Variants in CAPS2 observed in about 807,000 individuals in gnomAD.
CAPS2 encodes the protein calcyphosin-2.
A neutral mutation model predicts 86.5 loss-of-function variants in CAPS2; 98 were observed. That is an observed-to-expected ratio of 1.13 (90% confidence interval 0.96 to 1.34). The LOEUF (loss-of-function observed/expected upper bound fraction) is 1.34, where lower values mean the gene tolerates loss of function less well. Among genes scored for constraint, CAPS2 ranks in the 40% most tolerant of loss-of-function variants. The probability of loss-of-function intolerance (pLI) is 0.00; values close to 1 mark genes in which losing one functional copy is unlikely to be tolerated. For missense variants in CAPS2, 729 were observed against 686.8 expected, an observed-to-expected ratio of 1.06 and a Z score of -0.69; for synonymous variants, 210 against 225.1, an observed-to-expected ratio of 0.93 and a Z score of 0.60.
exon 15 of CAPS2, chr12:75,285,066 T>C (rs752421979): frequency 8.1e-6 from 13 of 1,608,694 alleles, no homozygotes; most frequent in Admixed American, 1.7e-5. Flanking sequence ...GAATTAGCCA[T>C]GCAGACTCAA....
intron 1 of CAPS2, among the ~76,000 whole-genome samples, chr12:75,378,760 C>A (rs2044796097): frequency 6.6e-6 from 1 of 152,160 alleles, no homozygotes; most frequent in Non-Finnish European, 1.5e-5. Flanking sequence ...AAAAAAATAT[C>A]TTTACAGCAA....
At chr12:75,370,090 C>A in intron 1 of CAPS2, 1 of 1,595,670 alleles carries the variant, frequency 6.3e-7, no homozygotes, top group East Asian at 2.2e-5. Context: ...GACAGAAAAT[C>A]CATTTCTGAA....
At chr12:75,387,612 T>C (rs903355241) in intron 1 of CAPS2, among the ~76,000 whole-genome samples, 1 of 152,194 alleles carries the variant, frequency 6.6e-6, no homozygotes, top group African/African-American at 2.4e-5. Flanking sequence ...TTCTTAGAAT[T>C]ATGGAGGCTG....
intron 1 of CAPS2, among the ~76,000 whole-genome samples, chr12:75,339,687 C>T (rs2041973989): frequency 6.6e-6 from 1 of 152,062 alleles, no homozygotes. Context: ...ATGGTATTGC[C>T]TAGATTTTTC....
chr12:75,371,404 G>C (rs1043415921), intron 1 of CAPS2: 1 of 270,888 alleles, frequency 3.7e-6, no homozygotes, highest in African/African-American at 2.3e-5. Context: ...CCCACATTGA[G>C]GTGGGTCTGC....
At chr12:75,337,749 A>C (rs1410010708) in intron 1 of CAPS2, among the ~76,000 whole-genome samples, 2 of 152,032 alleles carry the variant, frequency 1.3e-5, no homozygotes, top group Non-Finnish European at 2.9e-5. Context: ...GTGTCTTATA[A>C]AGTAACATTA....
At chr12:75,336,381 C>T (rs1331866324) in intron 1 of CAPS2, among the ~76,000 whole-genome samples, 4 of 151,634 alleles carry the variant, frequency 2.6e-5, no homozygotes. Flanking sequence ...CTACTACATA[C>T]TTTAATTAAA....
chr12:75,379,126 A>G (rs2044819822), intron 1 of CAPS2, among the ~76,000 whole-genome samples: 1 of 152,166 alleles, frequency 6.6e-6, no homozygotes, highest in Non-Finnish European at 1.5e-5. Flanking sequence ...ACCCCTTTAT[A>G]CTTATTCATT....
chr12:75,325,956 A>C (rs1182926364), intron 1 of CAPS2, among the ~76,000 whole-genome samples: 1 of 152,178 alleles, frequency 6.6e-6, no homozygotes, highest in Non-Finnish European at 1.5e-5. Context: ...TGCCAAAAAA[A>C]CTGCAAGTCA....
intron 6 of CAPS2, among the ~76,000 whole-genome samples, chr12:75,315,890 A>G (rs1157581753): frequency 1.3e-5 from 2 of 151,976 alleles, no homozygotes; most frequent in South Asian, 2.1e-4. Flanking sequence ...TAAAGTTAAT[A>G]TTGAGCATCT....
chr12:75,289,153 ATTGT>A (rs895359610), intron 14 of CAPS2, among the ~76,000 whole-genome samples: 11 of 152,106 alleles, frequency 7.2e-5, no homozygotes, highest in Non-Finnish European at 1.6e-4. Flanking sequence ...TAAAATACAC[ATTGT>A]CTGATTCACA....
chr12:75,333,136 G>A (rs776366709), upstream of CAPS2, among the ~76,000 whole-genome samples: 1 of 152,090 alleles, frequency 6.6e-6, no homozygotes, highest in Non-Finnish European at 1.5e-5. Flanking sequence ...ACTGTAATGT[G>A]AGCCAATTCC....
At chr12:75,336,931 A>G (rs2041775487) in intron 1 of CAPS2, among the ~76,000 whole-genome samples, 1 of 151,844 alleles carries the variant, frequency 6.6e-6, no homozygotes, top group South Asian at 2.1e-4. Flanking sequence ...TCTTCTGAAA[A>G]AAAAGTCTTA....
intron 1 of CAPS2, among the ~76,000 whole-genome samples, chr12:75,341,558 T>C (rs545850833): frequency 1.3e-5 from 2 of 152,032 alleles, no homozygotes; most frequent in Non-Finnish European, 2.9e-5. Context: ...GCCATTCTCC[T>C]GCCTCAGCCT....
chr12:75,354,417 G>C (rs561668571), intron 1 of CAPS2, among the ~76,000 whole-genome samples: 139 of 151,712 alleles, frequency 9.2e-4, no homozygotes, highest in African/African-American at 3.2e-3. Flanking sequence ...TAGGAATACA[G>C]CTAAAAAAAA....
intron 1 of CAPS2, among the ~76,000 whole-genome samples, chr12:75,336,195 C>T (rs2041725656): frequency 6.6e-6 from 1 of 151,510 alleles, no homozygotes; most frequent in Admixed American, 6.6e-5. Context: ...TCTAGGATAA[C>T]CATTAAAAAT....
chr12:75,329,803 C>T, upstream of CAPS2: 1 of 1,528,102 alleles, frequency 6.5e-7, no homozygotes, highest in Non-Finnish European at 8.8e-7. Flanking sequence ...ACTCCCCCTG[C>T]TCCCAAATTA....
At chr12:75,288,783 T>C (rs1037173850) in intron 14 of CAPS2, among the ~76,000 whole-genome samples, 2 of 152,136 alleles carry the variant, frequency 1.3e-5, no homozygotes, top group African/African-American at 4.8e-5. Context: ...ATTTCAGATG[T>C]TAATAAAGAG....
chr12:75,316,467 C>G (rs1227602791), intron 5 of CAPS2, 33 bp from the exon 6 acceptor site: 2 of 1,499,926 alleles, frequency 1.3e-6, no homozygotes, highest in Admixed American at 2.3e-5. Context: ...AAGCATCATA[C>G]ACATATTTAG....
Sources: allele counts gnomAD v4.1 joint callset (sites outside exome capture counted in the v4.1 genomes callset), GRCh38; gene constraint gnomAD v4.1.1; transcripts MANE v1.5; gene names NCBI Gene and HGNC (gene_info 2026-07-23, HGNC 2026-07-21).